Variants in ABCA1 observed in about 807,000 individuals in gnomAD.
The protein encoded by ABCA1 is ATP binding cassette subfamily A member 1, also known as phospholipid-transporting ATPase ABCA1.
In ABCA1, 133 loss-of-function variants were observed where a neutral mutation model predicts 262.5. The ratio of observed to expected loss-of-function variants is 0.51; its 90% CI spans 0.44 to 0.59. The LOEUF (loss-of-function observed/expected upper bound fraction) is 0.59, where lower values mean the gene tolerates loss of function less well. Among genes scored for constraint, ABCA1 ranks in the 20% least tolerant of loss-of-function variants. The pLI, the probability that ABCA1 is intolerant of heterozygous loss-of-function variation, is 0.00. For missense variants in ABCA1, 2,452 were observed against 2,777.5 expected (o/e 0.88, Z 2.63); for synonymous variants, 1,022 against 1,043.5 (o/e 0.98, Z 0.40).
At chr9:104,834,825 C>T (rs1229240243) in intron 11 of ABCA1, among the ~76,000 whole-genome samples, 1 of 151,994 alleles carries the variant, frequency 6.6e-6, no homozygotes, top group Admixed American at 6.6e-5. Flanking sequence ...GTAGACAGTG[C>T]CAGAGAAAGC....
At chr9:104,913,037 T>A (rs527597682) in intron 1 of ABCA1, among the ~76,000 whole-genome samples, 1 of 152,230 alleles carries the variant, frequency 6.6e-6, no homozygotes, top group Non-Finnish European at 1.5e-5. Context: ...AATGGTTTAG[T>A]GACCATATCA....
Position 104,824,598 on chromosome 9 carries a change from A to G in ABCA1, c.2543-20T>C. ...ACTGGCCTGAAAGCAAAGCACAGGT[A>G]TGAGCCAAGCTCAGCATCATCCCAG... is the stretch of plus-strand genomic sequence containing the variant. On this transcript the variant is annotated intron_variant, in intron 17 of 49. Transcript: ENST00000374736. 6.2e-7 allele frequency: 1 copy of G among 1,612,736 alleles called. No homozygotes were observed. The highest frequency in any genetic ancestry group is 1.1e-5 in the South Asian group (1 of 91,004).
intron 11 of ABCA1, among the ~76,000 whole-genome samples, chr9:104,832,993 C>T (rs1833480079): frequency 6.6e-6 from 1 of 152,154 alleles, no homozygotes; most frequent in Admixed American, 6.5e-5. Context: ...AGATGTGGAG[C>T]TGAGACTCAA....
chr9:104,792,214 C>T (rs527617524), intron 42 of ABCA1, among the ~76,000 whole-genome samples: 8 of 152,316 alleles, frequency 5.3e-5, no homozygotes, highest in Admixed American at 2.0e-4. Flanking sequence ...AGTGAACTTA[C>T]TTTTTAACCT....
At chr9:104,924,236 T>G (rs933963186) in intron 1 of ABCA1, among the ~76,000 whole-genome samples, 6 of 152,208 alleles carry the variant, frequency 3.9e-5, no homozygotes, top group Admixed American at 3.9e-4. Context: ...CAGAATGATC[T>G]TTTAACATTT....
intron 5 of ABCA1, among the ~76,000 whole-genome samples, chr9:104,869,995 C>G (rs1233796801): frequency 6.6e-6 from 1 of 152,126 alleles, no homozygotes; most frequent in East Asian, 1.9e-4. Context: ...AAAATACAAG[C>G]TGAAAATTAA....
At chr9:104,834,407 T>C (rs950539954) in intron 11 of ABCA1, among the ~76,000 whole-genome samples, 1 of 149,610 alleles carries the variant, frequency 6.7e-6, no homozygotes, top group Non-Finnish European at 1.5e-5. Context: ...AAGGTATGTA[T>C]GTATTTTTGT....
chr9:104,909,607 TACACACAC>T (rs59524252), intron 1 of ABCA1, among the ~76,000 whole-genome samples: 10,673 of 134,010 alleles, frequency 0.08, 422 homozygotes, highest in African/African-American at 0.12. Context: ...GCAAAAGAAA[TACACACAC>T]ACACACACAC....
At chr9:104,821,258 A>G (rs1832315662) in intron 20 of ABCA1, 117 bp downstream of exon 20, 1 of 1,444,446 alleles carries the variant, frequency 6.9e-7, no homozygotes, top group South Asian at 1.3e-5. Flanking sequence ...ATAAAAAAGA[A>G]AAAAAGAAAA....
intron 8 of ABCA1, among the ~76,000 whole-genome samples, chr9:104,840,889 G>C (rs896931278): frequency 2.0e-5 from 3 of 152,044 alleles, no homozygotes; most frequent in African/African-American, 7.3e-5. Context: ...CTGGGGCTGG[G>C]CTTCGTTTCA....
At position 104,917,873 on chromosome 9, in the gene ABCA1, A is replaced by G. The variant is rs149075606; in HGVS notation, c.-93+10062T>C. On this transcript the variant is annotated intron_variant, in intron 1 of 49. Coordinates refer to ENST00000374736, the MANE Select transcript of ABCA1 (RefSeq NM_005502.4). ...TGTCAGCTGGGGCCTTTGGGAACCAATAGTTTATCTTATACATAGACTGTG... is the reference window on the plus strand; with the variant it reads ...TGTCAGCTGGGGCCTTTGGGAACCAGTAGTTTATCTTATACATAGACTGTG... Among the ~76,000 whole-genome samples, 942 of 152,360 alleles carry G rather than the reference A, an allele frequency of 6.2e-3. 3 individuals carry two copies. Among genetic ancestry groups the G allele is most frequent in the Non-Finnish European group, 7.7e-3 (523 of 68,042 alleles).
At chr9:104,855,907 C>CA (rs772393553) in intron 7 of ABCA1, 2 of 1,612,868 alleles carry the variant, frequency 1.2e-6, no homozygotes, top group South Asian at 2.2e-5. Context: ...CACGCACACA[C>CA]AAAAGGAGAA....
At chr9:104,846,684 G>T (rs137943518) in intron 7 of ABCA1, among the ~76,000 whole-genome samples, 83 of 152,274 alleles carry the variant, frequency 5.5e-4, no homozygotes, top group Non-Finnish European at 2.6e-4. Context: ...CTGCCTAAAG[G>T]TTCTATGAAA....
At chr9:104,803,633 G>T (rs540411862) in intron 32 of ABCA1, among the ~76,000 whole-genome samples, 1 of 151,920 alleles carries the variant, frequency 6.6e-6, no homozygotes, top group Admixed American at 6.6e-5. Flanking sequence ...TTGGGAGATG[G>T]TTTCGCTCTT....
intron 48 of ABCA1, 90 bp from the exon 49 acceptor site, chr9:104,785,729 A>T (rs1206014810): frequency 6.5e-7 from 1 of 1,545,056 alleles, no homozygotes; most frequent in African/African-American, 1.4e-5. Context: ...TGTGCCATGA[A>T]AAAGGGCGGC....
intron 22 of ABCA1, among the ~76,000 whole-genome samples, chr9:104,819,272 C>T (rs978390677): frequency 6.6e-6 from 1 of 152,178 alleles, no homozygotes; most frequent in African/African-American, 2.4e-5. Flanking sequence ...GCCTGTGCTC[C>T]TCATACTGTA....
At chr9:104,920,708 C>T (rs1842098810) in intron 1 of ABCA1, among the ~76,000 whole-genome samples, 1 of 152,162 alleles carries the variant, frequency 6.6e-6, no homozygotes, top group Admixed American at 6.5e-5. Flanking sequence ...GACGGGGTTT[C>T]ACCATGCTGG....
intron 7 of ABCA1, among the ~76,000 whole-genome samples, chr9:104,852,947 C>T (rs2119077053): frequency 6.6e-6 from 1 of 152,268 alleles, no homozygotes; most frequent in East Asian, 1.9e-4. Context: ...AACAACAAGC[C>T]CCATCTGTAT....
intron 2 of ABCA1, among the ~76,000 whole-genome samples, chr9:104,902,901 G>C (rs1408596233): frequency 6.6e-6 from 1 of 152,116 alleles, no homozygotes; most frequent in African/African-American, 2.4e-5. Context: ...AAGAGACTTA[G>C]AAACTAACTA....
Sources: gnomAD v4.1 joint callset for allele counts (sites outside exome capture counted in the v4.1 genomes callset) on GRCh38, gnomAD v4.1.1 for gene constraint, MANE v1.5 for transcripts, NCBI Gene and HGNC (gene_info 2026-07-23, HGNC 2026-07-21) for gene names.